Variants in BCKDHB observed in about 807,000 individuals in gnomAD.
The protein encoded by BCKDHB is 2-oxoisovalerate dehydrogenase subunit beta, mitochondrial.
BCKDHB carries 41 observed loss-of-function variants against 48.5 expected under a neutral mutation model. The ratio of observed to expected loss-of-function variants is 0.85; its 90% CI spans 0.66 to 1.10. The LOEUF (loss-of-function observed/expected upper bound fraction) is 1.10. Among genes scored for constraint, BCKDHB ranks in the 50% least tolerant of loss-of-function variants. BCKDHB has a pLI of 0.00. For missense variants in BCKDHB, 496 were observed against 494.2 expected, an observed-to-expected ratio of 1.00 and a Z score of -0.03; for synonymous variants, 201 against 174.8, an observed-to-expected ratio of 1.15 and a Z score of -1.18.
intron 6 of BCKDHB, among the ~76,000 whole-genome samples, chr6:80,198,599 T>G (rs1774240631): frequency 6.6e-6 from 1 of 152,240 alleles, no homozygotes; most frequent in Non-Finnish European, 1.5e-5. Flanking sequence ...TAATAGTTTT[T>G]ACTTATAAAC....
intron 6 of BCKDHB, among the ~76,000 whole-genome samples, chr6:80,187,402 G>A (rs893920582): frequency 2.6e-5 from 4 of 151,970 alleles, no homozygotes; most frequent in African/African-American, 7.3e-5. Context: ...AATGTTGGGG[G>A]CATGAGAACT....
chr6:80,316,285 C>A (rs1768439332), intron 9 of BCKDHB, among the ~76,000 whole-genome samples: 1 of 152,112 alleles, frequency 6.6e-6, no homozygotes, highest in Admixed American at 6.6e-5. Flanking sequence ...TTTTAGATTT[C>A]CTTGAATCAT....
chr6:80,211,296 G>A (rs558996359), intron 8 of BCKDHB, among the ~76,000 whole-genome samples: 12 of 152,054 alleles, frequency 7.9e-5, no homozygotes, highest in Admixed American at 1.3e-4. Flanking sequence ...CCTTTATACC[G>A]TACAGTCTTT....
At chr6:80,415,908 T>C in the BCKDHB span, among the ~76,000 whole-genome samples, 4 of 152,090 alleles carry the variant, frequency 2.6e-5, no homozygotes, top group African/African-American at 7.2e-5. Context: ...TCCTGGGCTT[T>C]TCTTGGTGGG....
chr6:80,184,530 G>C (rs552844258), intron 6 of BCKDHB, among the ~76,000 whole-genome samples: 1 of 152,070 alleles, frequency 6.6e-6, no homozygotes, highest in East Asian at 1.9e-4. Flanking sequence ...AATAGGCCTT[G>C]TGAGATTTAT....
At chr6:80,212,220 C>A (rs527325601) in intron 8 of BCKDHB, among the ~76,000 whole-genome samples, 1 of 152,194 alleles carries the variant, frequency 6.6e-6, no homozygotes, top group Non-Finnish European at 1.5e-5. Context: ...TTTTTCCCCA[C>A]CCTGATAAGC....
At chr6:80,263,145 A>G (rs772602765) in intron 8 of BCKDHB, among the ~76,000 whole-genome samples, 3 of 152,138 alleles carry the variant, frequency 2.0e-5, no homozygotes, top group Non-Finnish European at 2.9e-5. Context: ...TGACCTTAAG[A>G]TTTTTGTGCC....
At chr6:80,304,041 G>A (rs1173219277) in intron 9 of BCKDHB, among the ~76,000 whole-genome samples, 1 of 152,138 alleles carries the variant, frequency 6.6e-6, no homozygotes, top group Non-Finnish European at 1.5e-5. Flanking sequence ...TTAGGAAATA[G>A]TCTATAATTT....
chr6:80,288,660 G>A (rs1371809556), intron 9 of BCKDHB, among the ~76,000 whole-genome samples: 1 of 151,958 alleles, frequency 6.6e-6, no homozygotes, highest in African/African-American at 2.4e-5. Flanking sequence ...ATAAAATAAT[G>A]CTGCAATATG....
At chr6:80,438,569 T>C in the BCKDHB span, among the ~76,000 whole-genome samples, 414 of 152,308 alleles carry the variant, frequency 2.7e-3, 2 homozygotes, top group African/African-American at 9.6e-3. Context: ...CACTATGAAA[T>C]TCCAAGATTC....
At chr6:80,390,077 A>G in the BCKDHB span, among the ~76,000 whole-genome samples, 1 of 152,232 alleles carries the variant, frequency 6.6e-6, no homozygotes. Flanking sequence ...CTTTTAAGTC[A>G]ACAGACTAAC....
chr6:80,417,150 G>C, the BCKDHB span, among the ~76,000 whole-genome samples: 1 of 152,038 alleles, frequency 6.6e-6, no homozygotes, highest in Non-Finnish European at 1.5e-5. Context: ...AGACTGTTTT[G>C]TCTGAAATTA....
At chr6:80,172,359 A>G (rs1772958793) in intron 6 of BCKDHB, among the ~76,000 whole-genome samples, 1 of 152,116 alleles carries the variant, frequency 6.6e-6, no homozygotes, top group Non-Finnish European at 1.5e-5. Context: ...CTATTACAAT[A>G]ATATCTTACA....
chr6:80,228,868 C>T (rs966045177), intron 8 of BCKDHB, among the ~76,000 whole-genome samples: 3 of 152,102 alleles, frequency 2.0e-5, no homozygotes, highest in African/African-American at 4.8e-5. Context: ...AAAAGTATAG[C>T]AGTGGAGAGA....
chr6:80,230,715 G>C (rs768591022), intron 8 of BCKDHB, among the ~76,000 whole-genome samples: 5 of 152,320 alleles, frequency 3.3e-5, no homozygotes, highest in Admixed American at 2.0e-4. Flanking sequence ...AGGTTGAGGT[G>C]CCTGCATCTG....
Position 80,169,902 on chromosome 6 carries a change from G to A in BCKDHB, c.633+872G>A, listed in dbSNP as rs138961425. On this transcript the variant is annotated intron_variant, in intron 5 of 9. Transcript: ENST00000320393. ...GTAGACTGGGAAAGAAGCCATGTGC[G>A]AGGCAAGTTATTTTTGTGCTTGAGC... is the stretch of plus-strand genomic sequence containing the variant. 2.0e-4 allele frequency: 308 copies of A among 1,564,306 alleles called. No homozygotes were observed. In the African/African-American group the frequency reaches 3.6e-3, roughly 19 times the overall value.
Position 80,326,121 on chromosome 6 carries a change from A to G in BCKDHB, c.1039-17543A>G, listed in dbSNP as rs567222088. Among the ~76,000 whole-genome samples, 6 of 152,250 alleles carry G rather than the reference A, an allele frequency of 3.9e-5. No individual in the cohort carries two copies. In the East Asian group the frequency reaches 7.7e-4, roughly 20 times the overall value. The stretch of plus-strand genomic sequence containing the variant: ...TGTTAATAATATTAACAATGGTGGA[A>G]ACCGGTTGTGGGATATATGGGAAAA... On this transcript the variant is annotated intron_variant, in intron 9 of 9. Transcript: ENST00000320393.
chr6:80,215,735 G>GTT (rs1285293512), intron 8 of BCKDHB, among the ~76,000 whole-genome samples: 2 of 152,106 alleles, frequency 1.3e-5, no homozygotes, highest in Non-Finnish European at 2.9e-5. Context: ...CTGACCTAAT[G>GTT]TTATATATAT....
At chr6:80,370,263 T>C in the BCKDHB span, among the ~76,000 whole-genome samples, 8,260 of 152,224 alleles carry the variant, frequency 0.054, 624 homozygotes, top group African/African-American at 0.17. Context: ...GAGAAAATGA[T>C]GCTTAAACTG....
Sources: gnomAD v4.1 joint callset for allele counts (sites outside exome capture counted in the v4.1 genomes callset) on GRCh38, gnomAD v4.1.1 for gene constraint, MANE v1.5 for transcripts, NCBI Gene and HGNC (gene_info 2026-07-23, HGNC 2026-07-21) for gene names.